Variants in RUBCN observed in about 807,000 individuals in gnomAD.
The protein encoded by RUBCN is run domain Beclin-1-interacting and cysteine-rich domain-containing protein.
A neutral mutation model predicts 113.2 loss-of-function variants in RUBCN; 74 were observed. The ratio of observed to expected loss-of-function variants is 0.65; its 90% CI spans 0.54 to 0.79. The LOEUF is 0.79. Ranked by LOEUF, RUBCN falls within the 30% of genes least tolerant of loss-of-function variation. RUBCN has a pLI of 0.00. For missense variants in RUBCN, 1,109 were observed against 1,251.7 expected, an observed-to-expected ratio of 0.89 and a Z score of 1.72; for synonymous variants, 480 against 490.0, an observed-to-expected ratio of 0.98 and a Z score of 0.27.
chr3:197,682,510 G>A lies in RUBCN; in HGVS notation c.2086C>T (p.Pro696Ser). The change falls in exon 14 of 20, where the codon CCC (proline) becomes TCC (serine). Residue 696 changes from proline to serine, a missense_variant. Around this residue, in one of 3 missense-constraint regions of RUBCN, gnomAD observed 67 missense variants for 123.2 expected, o/e 0.54. Transcript: ENST00000296343. ...RVRGNLEWAP[P>S]RPQIIFNVHP... ...ACATTAAAAATTATCTGAGGCCGGG[G>A]CGGGGCCCACTCCAAGTTGCCACGA... The A allele has an allele frequency of 6.2e-7, 1 of 1,614,154 alleles. No individual in the cohort carries two copies. The highest frequency in any genetic ancestry group is 8.5e-7 in the Non-Finnish European group (1 of 1,180,042).
At chr3:197,703,728 G>T in intron 4 of RUBCN, 74 bp from the exon 5 acceptor site, 1 of 905,704 alleles carries the variant, frequency 1.1e-6, no homozygotes, top group Non-Finnish European at 1.8e-6. Flanking sequence ...GAAGCAGAAA[G>T]GGAGAGGTAA....
rs1722388142 is a variant in RUBCN at position 197,691,206 on chromosome 3, T to C, written c.1786+2509A>G. 3 of 881,706 alleles carry C rather than the reference T, an allele frequency of 3.4e-6. No homozygotes were observed. The East Asian group carries it at 1.9e-4, about 54-fold the overall frequency. The allele number at this position is 881,706 out of a possible 1,614,324, so 54.6% of individuals were successfully genotyped here. A position where few individuals can be genotyped will look rare whatever the true frequency, so the allele number is the denominator to read the frequency against. ...AGTATTCCAGCAGGAAATAAACTAATATTCTATACCATATGTTCCTGGAAT... is the reference window on the plus strand; with the variant it reads ...AGTATTCCAGCAGGAAATAAACTAACATTCTATACCATATGTTCCTGGAAT... On this transcript the variant is annotated intron_variant, in intron 11 of 19. Coordinates refer to ENST00000296343, the MANE Select transcript of RUBCN (RefSeq NM_014687.4).
chr3:197,731,960 T>C (rs1420981501), intron 1 of RUBCN, among the ~76,000 whole-genome samples: 1 of 152,246 alleles, frequency 6.6e-6, no homozygotes, highest in Non-Finnish European at 1.5e-5. Context: ...TTTTAGACCC[T>C]GGTGACTGCT....
At chr3:197,692,885 G>C (rs1722581688) in intron 11 of RUBCN, among the ~76,000 whole-genome samples, 1 of 152,218 alleles carries the variant, frequency 6.6e-6, no homozygotes, top group African/African-American at 2.4e-5. Context: ...TGCAACACAA[G>C]ACCTATCTGT....
intron 1 of RUBCN, among the ~76,000 whole-genome samples, chr3:197,744,505 C>T (rs1728659208): frequency 6.6e-6 from 1 of 152,140 alleles, no homozygotes; most frequent in Non-Finnish European, 1.5e-5. Context: ...AAGGGAACTT[C>T]CTCAACCTAA....
chr3:197,741,265 ATTAAT>A (rs1728514526), upstream of RUBCN, among the ~76,000 whole-genome samples: 1 of 152,236 alleles, frequency 6.6e-6, no homozygotes, highest in South Asian at 2.1e-4. Context: ...ACAGTTTAAA[ATTAAT>A]TTATGTTTTC....
intron 18 of RUBCN, 171 bp downstream of exon 18, chr3:197,676,714 G>C (rs554377820): frequency 1.4e-6 from 2 of 1,476,630 alleles, no homozygotes; most frequent in Admixed American, 4.6e-5. Context: ...AGATCAGGAT[G>C]ATTTGGCTGC....
intron 1 of RUBCN, among the ~76,000 whole-genome samples, chr3:197,744,992 A>G (rs751321417): frequency 4.7e-4 from 72 of 152,290 alleles, no homozygotes; most frequent in Non-Finnish European, 9.7e-4. Flanking sequence ...AAACTAAGAA[A>G]AGGGGGATTT....
In RUBCN at chr3:197,677,492, C is replaced by A; in HGVS notation, c.2480G>T (p.Arg827Leu). ...CHMKNMFKTC[R>L]LAKELLDSFD... Reference sequence around the variant, plus strand: ...CAAAAGGACTTACTCCTTGGCCAGTCGGCAAGTCTTGAACATGTTCTTCAT... The same window carrying A: ...CAAAAGGACTTACTCCTTGGCCAGTAGGCAAGTCTTGAACATGTTCTTCAT... Residue 827 changes from arginine to leucine, a missense_variant, in exon 17 of 20, where the codon CGA (arginine) becomes CTA (leucine). By Grantham distance (102) the Arg-to-Leu change is moderately radical. Transcript: ENST00000296343. 6.2e-7 allele frequency: 1 copy of A among 1,614,120 alleles called. No individual in the cohort carries two copies. The highest frequency in any genetic ancestry group is 8.5e-7 in the Non-Finnish European group (1 of 1,179,986).
At chr3:197,748,649 C>T (rs1178307340) in intron 1 of RUBCN, among the ~76,000 whole-genome samples, 2 of 152,132 alleles carry the variant, frequency 1.3e-5, no homozygotes, top group African/African-American at 4.8e-5. Context: ...ATACAGGAAA[C>T]GTTCACATTT....
At chr3:197,738,355 G>A (rs1279334903), upstream of RUBCN, among the ~76,000 whole-genome samples, 2 of 152,098 alleles carry the variant, frequency 1.3e-5, no homozygotes, top group East Asian at 1.9e-4. Flanking sequence ...GAATAACTCC[G>A]TGAAAAACTA....
intron 1 of RUBCN, among the ~76,000 whole-genome samples, chr3:197,721,762 C>G (rs1726194716): frequency 6.6e-6 from 1 of 151,920 alleles, no homozygotes. Context: ...TTGCAGTATC[C>G]CACTGTTTTT....
intron 2 of RUBCN, among the ~76,000 whole-genome samples, chr3:197,717,454 A>AAAG (rs1553900565): frequency 1.1e-4 from 16 of 149,038 alleles, no homozygotes; most frequent in Admixed American, 6.0e-4. Context: ...AAAAAAAAAA[A>AAAG]GGGGGGGGCA....
At chr3:197,713,741 AGAGT>A (rs1725206973) in intron 2 of RUBCN, among the ~76,000 whole-genome samples, 1 of 151,910 alleles carries the variant, frequency 6.6e-6, no homozygotes, top group Non-Finnish European at 1.5e-5. Flanking sequence ...GAAAATACAC[AGAGT>A]AAGAAGAGAG....
chr3:197,718,007 G>T lies in RUBCN; in HGVS notation c.189C>A (p.Ser63Arg), dbSNP rs1725735511. ...CACGGATAAGCCCGTGATAGAGGATGCTCTGCATGTCCCTGCAAAGCCGCT... is the reference window on the plus strand; with the variant it reads ...CACGGATAAGCCCGTGATAGAGGATTCTCTGCATGTCCCTGCAAAGCCGCT... Reference protein sequence around the residue: ...GLERLCRDMQSILYHGLIRDQ... With the variant: ...GLERLCRDMQRILYHGLIRDQ... Residue 63 changes from serine (S) to arginine (R), a missense_variant, in exon 2 of 20, where the codon AGC becomes AGA. Physicochemically the swap from Ser to Arg is moderately radical, Grantham distance 110. This residue lies in a region of RUBCN where 736 missense variants were observed against 779.6 expected (regional missense o/e 0.94). Transcript: ENST00000296343. 1.2e-6 allele frequency: 2 copies of T among 1,614,102 alleles called. No individual in the cohort carries two copies. The highest frequency in any genetic ancestry group is 1.7e-6 in the Non-Finnish European group (2 of 1,180,040).
chr3:197,717,339 G>C (rs1186307444), intron 2 of RUBCN, among the ~76,000 whole-genome samples: 1 of 151,944 alleles, frequency 6.6e-6, no homozygotes, highest in Admixed American at 6.6e-5. Context: ...AGCTACTCGG[G>C]AGGCTGAGCC....
In RUBCN at chr3:197,717,851, T is replaced by G. The variant is rs545976053; in HGVS notation, c.219+126A>C. On this transcript the variant is annotated intron_variant, in intron 2 of 19. Coordinates refer to ENST00000296343, the MANE Select transcript of RUBCN (RefSeq NM_014687.4). ...TGAAACGTTCTGTATATTAAAAAAA[T>G]GAATTAAGTCACAGCTGCTCTCAGG... 189 of 988,576 alleles carry G rather than the reference T, an allele frequency of 1.9e-4. 4 individuals carry two copies. The South Asian group carries it at 2.4e-3, about 13-fold the overall frequency. 61.2% of individuals were successfully genotyped at this position (988,576 alleles called of 1,614,324 possible). A position where few individuals can be genotyped will look rare whatever the true frequency, so the allele number is the denominator to read the frequency against.
chr3:197,706,057 C>T (rs146223616), intron 2 of RUBCN, among the ~76,000 whole-genome samples: 108 of 152,266 alleles, frequency 7.1e-4, no homozygotes, highest in African/African-American at 2.3e-3. Context: ...TTTCTCTCTA[C>T]CGTTCTGTTT....
At chr3:197,706,526 T>C (rs940583377) in intron 2 of RUBCN, among the ~76,000 whole-genome samples, 1 of 151,376 alleles carries the variant, frequency 6.6e-6, no homozygotes, top group African/African-American at 2.4e-5. Flanking sequence ...TACTAAAAAA[T>C]CCAAAAAGTT....
Sources: allele counts gnomAD v4.1 joint callset (sites outside exome capture counted in the v4.1 genomes callset), GRCh38; gene constraint gnomAD v4.1.1; regional missense constraint gnomAD v4.1.1; transcripts MANE v1.5; gene names NCBI Gene and HGNC (gene_info 2026-07-23, HGNC 2026-07-21).